The following PKD1L1 variants were observed in gnomAD, a reference collection of about 807,000 sequenced individuals.
PKD1L1 encodes the protein polycystin 1 like 1, transient receptor potential channel interacting.
A neutral mutation model predicts 323.4 loss-of-function variants in PKD1L1; 236 were observed. The ratio of observed to expected loss-of-function variants is 0.73; its 90% confidence interval spans 0.66 to 0.81. PKD1L1 has a LOEUF of 0.81. Among genes scored for constraint, PKD1L1 ranks in the 40% least tolerant of loss-of-function variants. The probability of loss-of-function intolerance (pLI) is 0.00; values close to 1 mark genes in which losing one functional copy is unlikely to be tolerated. For missense variants in PKD1L1, 3,320 were observed against 3,508.0 expected (o/e 0.95, Z 1.35); for synonymous variants, 1,344 against 1,335.0 (o/e 1.01, Z -0.15).
Position 47,884,605 on chromosome 7 carries a change from T to C in PKD1L1, c.3258A>G (p.Arg1086=), listed in dbSNP as rs765440909. 1.2e-6 allele frequency: 2 copies of C among 1,613,940 alleles called. No homozygotes were observed. The highest frequency in any genetic ancestry group is 1.7e-6 in the Non-Finnish European group (2 of 1,179,834). Residue 1086 remains arginine (R), a synonymous_variant, in exon 19 of 57, where the codon AGA becomes AGG. Transcript: ENST00000289672. ...DIQEAIPSGG[R]QPAKDTSFPG... is the part of the protein sequence containing the mutation. ...GCATAGAAGCACAGTCACCTGGCTG[T>C]CTTCCTCCCGATGGTATTGCTTCTT...
At position 47,902,432 on chromosome 7, in the gene PKD1L1, A is replaced by G; in HGVS notation, c.2011T>C (p.Cys671Arg). Residue 671 changes from cysteine to arginine, a missense_variant, in exon 13 of 57, where the codon TGC becomes CGC. Coordinates refer to ENST00000289672, the MANE Select transcript of PKD1L1 (RefSeq NM_138295.5). Reference protein sequence around the residue: ...STLRQQLFIVCEPCQPPLVKN... With the variant: ...STLRQQLFIVREPCQPPLVKN... ...ACCAGGGGTGGCTGGCAGGGCTCGC[A>G]CACGATGAAAAGTTGCTGTCTTAGA... is the stretch of plus-strand genomic sequence containing the variant. 1 of 1,614,230 alleles carries G rather than the reference A, an allele frequency of 6.2e-7. No homozygotes were observed. The highest frequency in any genetic ancestry group is 1.1e-5 in the South Asian group (1 of 91,086).
chr7:47,847,179 G>C (rs1732617637), intron 31 of PKD1L1, 108 bp from the exon 32 acceptor site: 3 of 762,316 alleles, frequency 3.9e-6, no homozygotes, highest in Non-Finnish European at 5.8e-6. Context: ...AAGGACTACA[G>C]ATGAGCAAGA....
At chr7:47,835,628 T>C (rs1785441597) in intron 37 of PKD1L1, among the ~76,000 whole-genome samples, 1 of 152,146 alleles carries the variant, frequency 6.6e-6, no homozygotes, top group African/African-American at 2.4e-5. Flanking sequence ...CTCAAACTCC[T>C]GACCTCAGGT....
Position 47,884,642 on chromosome 7 carries a change from T to C in PKD1L1, c.3221A>G (p.Tyr1074Cys). 1 of 1,613,666 alleles carries C rather than the reference T, an allele frequency of 6.2e-7. No homozygotes were observed. Residue 1074 changes from tyrosine to cysteine, a missense_variant, in exon 19 of 57, where the codon TAC becomes TGC. Transcript: ENST00000289672. ...TGGTATTGCTTCTTGAATGTCACTG[T>C]AATAGGCTTCAAAATCTATAAGAAA... Reference protein sequence around the residue: ...DPHLSDFEAYYSDIQEAIPSG... With the variant: ...DPHLSDFEAYCSDIQEAIPSG...
chr7:47,813,592 T>C (rs1784950209), intron 48 of PKD1L1: 1 of 667,664 alleles, frequency 1.5e-6, no homozygotes, highest in Admixed American at 2.0e-5. Context: ...TCTCAGGGCA[T>C]ACCCTCCCCA....
chr7:47,878,079 T>C (rs1157239771), intron 21 of PKD1L1, among the ~76,000 whole-genome samples: 1 of 152,080 alleles, frequency 6.6e-6, no homozygotes, highest in East Asian at 1.9e-4. Flanking sequence ...TCCATTCTCC[T>C]GGATTCTCTC....
intron 7 of PKD1L1, among the ~76,000 whole-genome samples, chr7:47,920,196 G>GT (rs758964694): frequency 6.6e-6 from 1 of 151,422 alleles, no homozygotes; most frequent in Non-Finnish European, 1.5e-5. Flanking sequence ...TACACAATCA[G>GT]TAGGTCTTCT....
At chr7:47,803,004 A>G (rs545204990) in intron 53 of PKD1L1, among the ~76,000 whole-genome samples, 2 of 152,358 alleles carry the variant, frequency 1.3e-5, no homozygotes, top group East Asian at 3.9e-4. Flanking sequence ...TGTTTCCTAA[A>G]TCATGGTTAT....
At chr7:47,784,720 A>C (rs184135240) in intron 56 of PKD1L1, among the ~76,000 whole-genome samples, 2 of 152,106 alleles carry the variant, frequency 1.3e-5, no homozygotes, top group Non-Finnish European at 2.9e-5. Flanking sequence ...TGATCCGCCC[A>C]TCTCAGCCTC....
intron 21 of PKD1L1, among the ~76,000 whole-genome samples, 154 bp from the exon 22 acceptor site, chr7:47,877,785 A>G (rs575173169): frequency 6.6e-6 from 1 of 152,242 alleles, no homozygotes; most frequent in South Asian, 2.1e-4. Flanking sequence ...GTCAGAAATG[A>G]AGATTCTGGA....
intron 7 of PKD1L1, among the ~76,000 whole-genome samples, chr7:47,919,659 T>A (rs1405348869): frequency 2.0e-5 from 3 of 152,176 alleles, no homozygotes; most frequent in Admixed American, 2.0e-4. Flanking sequence ...ATCAAAAAGA[T>A]AATCCACCAT....
chr7:47,932,042 G>C lies in PKD1L1; in HGVS notation c.413C>G (p.Pro138Arg), dbSNP rs1366166979. 2 of 1,610,184 alleles carry C rather than the reference G, an allele frequency of 1.2e-6. No individual in the cohort carries two copies. Among genetic ancestry groups the C allele is most frequent in the African/African-American group, 1.3e-5 (1 of 74,736 alleles). The change falls in exon 5 of 57, where the codon CCT becomes CGT. Residue 138 changes from proline (P) to arginine (R), a missense_variant. Transcript: ENST00000289672. ...DNSADRIPHK[P>R]FIIIARAWSS... ...CCAGGCCCTTGCGATTATAATGAAA[G>C]GTTTGTGGGGAATTCTGTATGGGAA...
chr7:47,865,364 A>T (rs1456215968), intron 25 of PKD1L1, 92 bp from the exon 26 acceptor site: 1 of 1,136,472 alleles, frequency 8.8e-7, no homozygotes, highest in East Asian at 2.6e-5. Context: ...GCCTATGTAG[A>T]AATAGTACAG....
intron 28 of PKD1L1, among the ~76,000 whole-genome samples, chr7:47,855,543 T>A (rs1023811531): frequency 1.3e-5 from 2 of 152,202 alleles, no homozygotes; most frequent in African/African-American, 4.8e-5. Context: ...AAAAGAAATA[T>A]CTGCTCATTG....
In PKD1L1 at chr7:47,883,146, G is replaced by A. The variant is rs573893501; in HGVS notation, c.3266-1061C>T. ...ATGTGAGCCTCTACAACAGATCTGCGTGTGTACTGTAAAGACTTTTAAATG... is the reference window on the plus strand; with the variant it reads ...ATGTGAGCCTCTACAACAGATCTGCATGTGTACTGTAAAGACTTTTAAATG... On this transcript the variant is annotated intron_variant, in intron 19 of 56. Coordinates refer to ENST00000289672, the MANE Select transcript of PKD1L1 (RefSeq NM_138295.5). 1.4e-4 allele frequency among the ~76,000 whole-genome samples: 21 copies of A among 152,318 alleles called. 1 individual carries two copies. The South Asian group carries it at 1.9e-3, about 14-fold the overall frequency.
At chr7:47,811,734 C>G in intron 50 of PKD1L1, 83 bp downstream of exon 50, 1 of 1,130,752 alleles carries the variant, frequency 8.8e-7, no homozygotes. Flanking sequence ...GGGAACTAGT[C>G]CTGTCTGGTG....
chr7:47,925,497 T>C (rs535415278), intron 7 of PKD1L1, among the ~76,000 whole-genome samples: 71 of 152,278 alleles, frequency 4.7e-4, no homozygotes, highest in African/African-American at 1.6e-3. Flanking sequence ...TATTAAACAT[T>C]TGTAAATGAA....
At chr7:47,923,748 T>A (rs1426464157) in intron 7 of PKD1L1, among the ~76,000 whole-genome samples, 1 of 152,060 alleles carries the variant, frequency 6.6e-6, no homozygotes, top group Non-Finnish European at 1.5e-5. Context: ...AATACTATGT[T>A]AGAAAACTGA....
the PKD1L1 span, among the ~76,000 whole-genome samples, chr7:47,960,738 A>G: frequency 6.6e-6 from 1 of 151,984 alleles, no homozygotes; most frequent in Non-Finnish European, 1.5e-5. Context: ...GACTTCTCAA[A>G]AGAAGACAAG....
Sources: allele counts gnomAD v4.1 joint callset (sites outside exome capture counted in the v4.1 genomes callset), GRCh38; gene constraint gnomAD v4.1.1; transcripts MANE v1.5; gene names NCBI Gene and HGNC (gene_info 2026-07-23, HGNC 2026-07-21).